Variants in CDH19 observed in about 807,000 individuals in gnomAD.
The protein encoded by CDH19 is cadherin 19.
CDH19 carries 67 observed loss-of-function variants against 64.2 expected under a neutral mutation model. The observed-to-expected ratio is 1.04, with a 90% confidence interval of 0.86 to 1.28. The LOEUF is 1.28. Ranked by LOEUF, CDH19 falls within the 50% of genes most tolerant of loss-of-function variation. CDH19 has a pLI of 0.00. For synonymous variants in CDH19, 346 were observed against 319.3 expected (o/e 1.08, Z -0.89); for missense variants, 1,030 against 929.0 (o/e 1.11, Z -1.41).
chr18:66,587,878 A>G lies in CDH19; in HGVS notation c.-112-15562T>C, dbSNP rs1168695987. On this transcript the variant is annotated intron_variant, in intron 1 of 11. Coordinates refer to ENST00000262150, the MANE Select transcript of CDH19 (RefSeq NM_021153.4). Reference sequence around the variant, plus strand: ...CAAAATCAACTGTGTCTCTAATGCCATAATGGTACTCATCTGTTCTCTTAG... The same window carrying G: ...CAAAATCAACTGTGTCTCTAATGCCGTAATGGTACTCATCTGTTCTCTTAG... Among the ~76,000 whole-genome samples, 3 of 152,190 alleles carry G rather than the reference A, an allele frequency of 2.0e-5. No homozygotes were observed. The East Asian group carries it at 5.8e-4, about 29-fold the overall frequency.
At chr18:66,576,641 A>G (rs1988274890) in intron 1 of CDH19, among the ~76,000 whole-genome samples, 1 of 151,700 alleles carries the variant, frequency 6.6e-6, no homozygotes, top group African/African-American at 2.4e-5. Context: ...ACAAGATGAA[A>G]TAAAACCTTA....
intron 8 of CDH19, among the ~76,000 whole-genome samples, chr18:66,533,737 A>AC (rs1428584367): frequency 6.6e-6 from 1 of 152,030 alleles, no homozygotes; most frequent in Non-Finnish European, 1.5e-5. Flanking sequence ...GGAAAAAAAA[A>AC]ATTTTTAAAT....
chr18:66,595,886 T>C (rs1323649784), intron 1 of CDH19, among the ~76,000 whole-genome samples: 1 of 152,092 alleles, frequency 6.6e-6, no homozygotes, highest in Non-Finnish European at 1.5e-5. Flanking sequence ...CAGGCCAATA[T>C]CCTGGTGAAC....
chr18:66,595,011 TAAATA>T (rs1226732593), intron 1 of CDH19, among the ~76,000 whole-genome samples: 1 of 137,282 alleles, frequency 7.3e-6, no homozygotes, highest in Non-Finnish European at 1.7e-5. Flanking sequence ...ATAATAATAA[TAAATA>T]AAATTAAATT....
chr18:66,545,846 T>TA (rs1470402823), intron 5 of CDH19, among the ~76,000 whole-genome samples: 9 of 152,138 alleles, frequency 5.9e-5, no homozygotes, highest in Admixed American at 5.9e-4. Flanking sequence ...GAATGTAATA[T>TA]AAAAAACATT....
chr18:66,508,844 C>T lies in CDH19; in HGVS notation c.1828+151G>A, dbSNP rs190208106. 2.4e-4 allele frequency: 193 copies of T among 797,970 alleles called. 1 individual carries two copies. The highest frequency in any genetic ancestry group is 2.1e-4 in the Non-Finnish European group (109 of 518,916). The allele number at this position is 797,970 out of a possible 1,614,324, so 49.4% of individuals were successfully genotyped here. On this transcript the variant is annotated intron_variant, in intron 11 of 11. Transcript: ENST00000262150. ...ATACTACATTCAGAGGAGCAATAAA[C>T]GTACACACAGACCCACATTATAATG...
chr18:66,507,583 A>T (rs1985263824), intron 11 of CDH19, among the ~76,000 whole-genome samples: 1 of 151,984 alleles, frequency 6.6e-6, no homozygotes, highest in South Asian at 2.1e-4. Flanking sequence ...CAGCTGCCTC[A>T]TTTGTGAAAT....
chr18:66,527,538 G>A (rs1186357543), intron 9 of CDH19, among the ~76,000 whole-genome samples: 2 of 152,088 alleles, frequency 1.3e-5, no homozygotes, highest in Non-Finnish European at 2.9e-5. Context: ...CACGAGGTCA[G>A]GAGTTTGAGA....
At chr18:66,520,341 G>GTTT (rs368834150) in intron 9 of CDH19, among the ~76,000 whole-genome samples, 3,224 of 132,850 alleles carry the variant, frequency 0.024, 110 homozygotes, top group African/African-American at 0.064. Context: ...GAAAATAGCT[G>GTTT]TTTTTTTTTT....
Position 66,529,891 on chromosome 18 carries a change from G to C in CDH19, c.1412C>G (p.Ser471Cys), listed in dbSNP as rs751332833. 1 of 1,592,822 alleles carries C rather than the reference G, an allele frequency of 6.3e-7. No homozygotes were observed. Among genetic ancestry groups the C allele is most frequent in the African/African-American group, 1.3e-5 (1 of 74,160 alleles). The change falls in exon 9 of 12, where the codon TCT (serine) becomes TGT (cysteine). Residue 471 changes from serine (S) to cysteine (C), a missense_variant. Coordinates refer to ENST00000262150, the MANE Select transcript of CDH19 (RefSeq NM_021153.4). The stretch of plus-strand genomic sequence containing the variant: ...ACAAACATAAGTCTCATAGTATTGA[G>C]AGAACTCAGGAGCATGATCATTGAT... Reference protein sequence around the residue: ...LNINDHAPEFSQYYETYVCEN... With the variant: ...LNINDHAPEFCQYYETYVCEN...
chr18:66,516,328 T>C (rs113462234), intron 9 of CDH19, among the ~76,000 whole-genome samples: 442 of 152,102 alleles, frequency 2.9e-3, no homozygotes, highest in Non-Finnish European at 4.9e-3. Context: ...CATGATCCTA[T>C]TGAACAACTG....
chr18:66,550,487 T>C lies in CDH19; in HGVS notation c.775+607A>G, dbSNP rs117498148. On this transcript the variant is annotated intron_variant, in intron 5 of 11. Transcript: ENST00000262150. The stretch of plus-strand genomic sequence containing the variant: ...AAGAGAATTAAGTTTGCAGATGGAA[T>C]TCAGGTTGCTAATTAGCTGACCTTG... Among the ~76,000 whole-genome samples, 527 of 152,244 alleles carry C rather than the reference T, an allele frequency of 3.5e-3. 1 individual carries two copies. Among genetic ancestry groups the C allele is most frequent in the Non-Finnish European group, 5.0e-3 (338 of 67,994 alleles).
intron 1 of CDH19, among the ~76,000 whole-genome samples, chr18:66,584,923 T>G (rs188161194): frequency 2.3e-4 from 35 of 152,234 alleles, no homozygotes; most frequent in African/African-American, 8.4e-4. Flanking sequence ...TTTGATTATT[T>G]CAGAAGATAA....
intron 10 of CDH19, among the ~76,000 whole-genome samples, chr18:66,510,761 G>A (rs1336215709): frequency 6.6e-6 from 1 of 151,220 alleles, no homozygotes; most frequent in Non-Finnish European, 1.5e-5. Flanking sequence ...CCTCCCCGGG[G>A]GAATTTGACG....
At chr18:66,591,433 C>T (rs1460777350) in intron 1 of CDH19, among the ~76,000 whole-genome samples, 9 of 151,804 alleles carry the variant, frequency 5.9e-5, no homozygotes, top group Non-Finnish European at 7.4e-5. Context: ...CAAGTCAGAA[C>T]GATTGAAAAC....
intron 1 of CDH19, among the ~76,000 whole-genome samples, chr18:66,577,644 A>G (rs1988304671): frequency 6.6e-6 from 1 of 151,968 alleles, no homozygotes; most frequent in Non-Finnish European, 1.5e-5. Context: ...TGCACTTGTT[A>G]AAAACTGTTA....
At chr18:66,539,367 A>G (rs1986798848) in intron 7 of CDH19, among the ~76,000 whole-genome samples, 7 of 152,124 alleles carry the variant, frequency 4.6e-5, no homozygotes, top group Admixed American at 4.6e-4. Flanking sequence ...AAAAAAGCAC[A>G]TAATATTCCA....
chr18:66,504,452 C>G lies in CDH19; in HGVS notation c.*360G>C, dbSNP rs1169361142. ...CTATTTGACTTGCAAATTTTTGCTC[C>G]TTTAAATTTTCTCGTTTGGTATTTT... On this transcript the variant is annotated 3_prime_UTR_variant, in exon 12 of 12. Transcript: ENST00000262150. 1 of 172,958 alleles carries G rather than the reference C, an allele frequency of 5.8e-6. No individual in the cohort carries two copies. The highest frequency in any genetic ancestry group is 2.4e-5 in the African/African-American group (1 of 42,134). The allele number at this position is 172,958 out of a possible 1,614,324, so 10.7% of individuals were successfully genotyped here.
At chr18:66,587,269 G>A (rs1383481022) in intron 1 of CDH19, among the ~76,000 whole-genome samples, 1 of 152,120 alleles carries the variant, frequency 6.6e-6, no homozygotes, top group Non-Finnish European at 1.5e-5. Flanking sequence ...GTTGGGAAAC[G>A]CAGAGGTTAA....
Sources: allele counts gnomAD v4.1 joint callset (sites outside exome capture counted in the v4.1 genomes callset), GRCh38; gene constraint gnomAD v4.1.1; transcripts MANE v1.5; gene names NCBI Gene and HGNC (gene_info 2026-07-23, HGNC 2026-07-21).